The following ANO3 variants were observed in gnomAD, a reference collection of about 807,000 sequenced individuals.
ANO3 encodes the protein anoctamin 3, also known as anoctamin-3.
Under a neutral mutation model 144.8 loss-of-function variants are expected in ANO3, and 99 were observed. The ratio of observed to expected loss-of-function variants is 0.68; its 90% CI spans 0.58 to 0.81. The LOEUF (loss-of-function observed/expected upper bound fraction) is 0.81, where lower values mean the gene tolerates loss of function less well. Ranked by LOEUF, ANO3 falls within the 30% of genes least tolerant of loss-of-function variation. The probability of loss-of-function intolerance (pLI) is 0.00; values close to 1 mark genes in which losing one functional copy is unlikely to be tolerated. For synonymous variants in ANO3, 414 were observed against 392.6 expected (o/e 1.05, Z -0.64); for missense variants, 905 against 1,202.2 (o/e 0.75, Z 3.66).
intron 1 of ANO3, among the ~76,000 whole-genome samples, chr11:26,384,590 T>G (rs1021302188): frequency 6.6e-6 from 1 of 152,172 alleles, no homozygotes; most frequent in African/African-American, 2.4e-5. Flanking sequence ...TTTTCCTTAT[T>G]TCTAAACCTC....
At chr11:26,567,438 T>G (rs1850634528) in intron 14 of ANO3, among the ~76,000 whole-genome samples, 1 of 151,898 alleles carries the variant, frequency 6.6e-6, no homozygotes, top group Non-Finnish European at 1.5e-5. Flanking sequence ...TTTTCAGCCT[T>G]GTTGATTTTT....
intron 14 of ANO3, among the ~76,000 whole-genome samples, chr11:26,597,699 A>G (rs534081025): frequency 6.6e-6 from 1 of 152,338 alleles, no homozygotes; most frequent in South Asian, 2.1e-4. Context: ...TTTCTAAAAC[A>G]TATATGTGAG....
intron 26 of ANO3, among the ~76,000 whole-genome samples, chr11:26,660,029 C>T (rs1372262291): frequency 6.6e-6 from 1 of 152,096 alleles, no homozygotes; most frequent in Non-Finnish European, 1.5e-5. Context: ...AAAGTGATAT[C>T]AACATGTTGC....
intron 1 of ANO3, among the ~76,000 whole-genome samples, chr11:26,335,688 C>G (rs1206839016): frequency 6.6e-6 from 1 of 152,160 alleles, no homozygotes; most frequent in Non-Finnish European, 1.5e-5. Context: ...AGGGACTGTG[C>G]TTAATAATAG....
chr11:26,257,107 T>G (rs961333731), intron 1 of ANO3, among the ~76,000 whole-genome samples: 2 of 152,096 alleles, frequency 1.3e-5, no homozygotes, highest in African/African-American at 4.8e-5. Flanking sequence ...AAAATCTAGA[T>G]CATTAATATC....
chr11:26,491,601 G>A (rs956215841), intron 4 of ANO3, among the ~76,000 whole-genome samples: 2 of 152,190 alleles, frequency 1.3e-5, no homozygotes, highest in Non-Finnish European at 2.9e-5. Flanking sequence ...GCCACACGAG[G>A]TGTCAGGAAT....
chr11:26,481,010 A>T (rs984977929), intron 4 of ANO3, among the ~76,000 whole-genome samples: 13 of 152,162 alleles, frequency 8.5e-5, no homozygotes, highest in African/African-American at 2.2e-4. Flanking sequence ...ATGGTTACAG[A>T]AAATAATACA....
At chr11:26,525,568 T>C in intron 6 of ANO3, 67 bp from the exon 7 acceptor site, 1 of 1,264,120 alleles carries the variant, frequency 7.9e-7, no homozygotes, top group South Asian at 1.3e-5. Context: ...TGATTGAATG[T>C]TGTCACTCAC....
At chr11:26,257,767 A>T (rs1036666992) in intron 1 of ANO3, among the ~76,000 whole-genome samples, 2 of 148,724 alleles carry the variant, frequency 1.3e-5, no homozygotes, top group Non-Finnish European at 3.0e-5. Context: ...ATTCTGTCCC[A>T]TGGAAAACAA....
At position 26,553,686 on chromosome 11, in the gene ANO3, AAATACTTCT is replaced by A. The variant is rs1353858874; in HGVS notation, c.1386+343_1386+351del. On this transcript the variant is annotated intron_variant, in intron 13 of 26. Coordinates refer to ENST00000256737, the MANE Select transcript of ANO3 (RefSeq NM_031418.4). ...CGTTACATGAAAACTTATGAAGTTA[AAATACTTCT>A]ATCGGTACGGAGAAAATGAAATAAC... 2.0e-5 allele frequency among the ~76,000 whole-genome samples: 3 copies of A among 152,172 alleles called. No individual in the cohort carries two copies. The East Asian group carries it at 5.8e-4, about 29-fold the overall frequency.
intron 1 of ANO3, among the ~76,000 whole-genome samples, chr11:26,200,858 A>G (rs1038945543): frequency 2.6e-5 from 4 of 152,124 alleles, no homozygotes; most frequent in Non-Finnish European, 4.4e-5. Context: ...AAAATTATTG[A>G]ATTTGTACAT....
chr11:26,654,198 A>C (rs1853615822), intron 24 of ANO3, among the ~76,000 whole-genome samples: 1 of 152,122 alleles, frequency 6.6e-6, no homozygotes, highest in Non-Finnish European at 1.5e-5. Context: ...ACCATTTTTT[A>C]AAAATTTGAG....
intron 18 of ANO3, among the ~76,000 whole-genome samples, chr11:26,630,486 T>A (rs949372869): frequency 6.6e-6 from 1 of 152,238 alleles, no homozygotes; most frequent in African/African-American, 2.4e-5. Flanking sequence ...AGTCTATTAC[T>A]AAATCCTGTT....
At chr11:26,314,032 C>G (rs1336864084) in intron 1 of ANO3, among the ~76,000 whole-genome samples, 3 of 151,938 alleles carry the variant, frequency 2.0e-5, no homozygotes, top group Non-Finnish European at 4.4e-5. Context: ...ATGTTTGTCC[C>G]TAGAGAGGAA....
intron 4 of ANO3, among the ~76,000 whole-genome samples, chr11:26,473,341 A>G (rs1450209186): frequency 2.6e-5 from 4 of 152,022 alleles, no homozygotes; most frequent in Admixed American, 2.6e-4. Flanking sequence ...AAAGCATTCA[A>G]TTTTATTTGC....
intron 6 of ANO3, among the ~76,000 whole-genome samples, chr11:26,523,362 A>C (rs191284297): frequency 7.6e-4 from 116 of 152,312 alleles, no homozygotes; most frequent in African/African-American, 2.7e-3. Flanking sequence ...AAGAGAAATA[A>C]AACCTCTCAT....
At chr11:26,518,285 A>G (rs1205708162) in intron 6 of ANO3, among the ~76,000 whole-genome samples, 1 of 152,030 alleles carries the variant, frequency 6.6e-6, no homozygotes, top group Non-Finnish European at 1.5e-5. Flanking sequence ...GATAATATAC[A>G]ATATTAATAA....
chr11:26,627,273 T>A (rs1046786154), intron 18 of ANO3, among the ~76,000 whole-genome samples: 5 of 151,936 alleles, frequency 3.3e-5, no homozygotes, highest in Admixed American at 6.6e-5. Flanking sequence ...TTAAGCTTTT[T>A]CCTCTCCCTG....
Position 26,239,597 on chromosome 11 carries a change from A to G in ANO3, c.154+50267A>G, listed in dbSNP as rs1590210764. Among the ~76,000 whole-genome samples the G allele has an allele frequency of 2.6e-5, 4 of 152,176 alleles. No homozygotes were observed. The South Asian group carries it at 8.3e-4, about 31-fold the overall frequency. The stretch of plus-strand genomic sequence containing the variant: ...ACTATAGTAGCTTTTACTCTTAGTC[A>G]CATTCCCTTATATCACCCATAGCAC... On this transcript the variant is annotated intron_variant, in intron 1 of 27. Transcript: ENST00000672621.
Sources: allele counts gnomAD v4.1 joint callset (sites outside exome capture counted in the v4.1 genomes callset), GRCh38; gene constraint gnomAD v4.1.1; transcripts MANE v1.5; gene names NCBI Gene and HGNC (gene_info 2026-07-23, HGNC 2026-07-21).